The following INSR variants were observed in gnomAD, a reference collection of about 807,000 sequenced individuals.
The protein encoded by INSR is insulin receptor.
Under a neutral mutation model 142.6 loss-of-function variants are expected in INSR, and 67 were observed. The ratio of observed to expected loss-of-function variants is 0.47; its 90% CI spans 0.39 to 0.58. The LOEUF is 0.58. INSR is among the 20% of genes least tolerant of loss of function. The pLI is 0.00. For synonymous variants in INSR, 756 were observed against 743.1 expected (o/e 1.02, Z -0.28); for missense variants, 1,248 against 1,833.2 (o/e 0.68, Z 5.83).
At chr19:7,196,345 T>C (rs1027352714) in intron 2 of INSR, among the ~76,000 whole-genome samples, 1 of 152,198 alleles carries the variant, frequency 6.6e-6, no homozygotes, top group African/African-American at 2.4e-5. Flanking sequence ...ATAATGTGTG[T>C]GCATAAATAT....
chr19:7,180,328 A>G (rs941248984), intron 3 of INSR, among the ~76,000 whole-genome samples: 1 of 152,036 alleles, frequency 6.6e-6, no homozygotes, highest in African/African-American at 2.4e-5. Context: ...CCAGGAGTTC[A>G]AGACGAGCCT....
Position 7,168,074 on chromosome 19 carries a change from A to AT in INSR, c.1503dup (p.Phe502IlefsTer9). 6.2e-7 allele frequency: 1 copy of AT among 1,614,102 alleles called. No homozygotes were observed. The highest frequency in any genetic ancestry group is 8.5e-7 in the Non-Finnish European group (1 of 1,179,968). On this transcript the variant is annotated frameshift_variant, in exon 7 of 22. Coordinates refer to ENST00000302850, the MANE Select transcript of INSR (RefSeq NM_000208.4). LOFTEE classifies it high-confidence loss of function. The surrounding 1 kb of genome is among the most constrained non-coding windows in gnomAD (Gnocchi z 4.3). ...TCAAAAGATGTCCGAATGTAAGAAA[A>AT]TTTAAGTAACTCATTTTCACCTGGA...
chr19:7,224,327 T>C (rs1053201340), intron 2 of INSR, among the ~76,000 whole-genome samples: 2 of 149,752 alleles, frequency 1.3e-5, no homozygotes, highest in African/African-American at 4.9e-5. Context: ...TCTTTCTCCC[T>C]CAACCTCAAG....
intron 2 of INSR, among the ~76,000 whole-genome samples, chr19:7,229,095 TTGGA>T (rs1295129440): frequency 7.0e-6 from 1 of 143,290 alleles, no homozygotes; most frequent in Non-Finnish European, 1.5e-5. Context: ...GGATGGGTGA[TTGGA>T]TGAGTGGATG....
rs1972392780 is a variant in INSR at position 7,118,445 on chromosome 19, G to C, written c.3794+1004C>G. Among the ~76,000 whole-genome samples, 4 of 151,934 alleles carry C rather than the reference G, an allele frequency of 2.6e-5. No homozygotes were observed. In the South Asian group the frequency reaches 8.3e-4, roughly 32 times the overall value. On this transcript the variant is annotated intron_variant, in intron 21 of 21. Transcript: ENST00000302850. Reference sequence around the variant, plus strand: ...CAATTCTCCTGCCTCAGCCTCCTGAGTAGCTGGGATTACAGGCGCCCACGA... The same window carrying C: ...CAATTCTCCTGCCTCAGCCTCCTGACTAGCTGGGATTACAGGCGCCCACGA...
intron 1 of INSR, among the ~76,000 whole-genome samples, chr19:7,290,915 C>G (rs1968475259): frequency 6.6e-6 from 1 of 151,792 alleles, no homozygotes; most frequent in Non-Finnish European, 1.5e-5. Context: ...ACTAAAAATA[C>G]AAAAAATAAG....
chr19:7,273,451 T>C (rs1198902015), intron 1 of INSR, among the ~76,000 whole-genome samples: 1 of 152,082 alleles, frequency 6.6e-6, no homozygotes, highest in African/African-American at 2.4e-5. Context: ...GGCCACTCTT[T>C]GTACAGGTAG....
rs372761756 is a variant in INSR at position 7,125,267 on chromosome 19, C to T, written c.3258+16G>A. The T allele has an allele frequency of 2.2e-4, 353 of 1,613,800 alleles. No homozygotes were observed. Among genetic ancestry groups the T allele is most frequent in the Admixed American group, 1.1e-3 (67 of 60,002 alleles). On this transcript the variant is annotated intron_variant, in intron 17 of 21. Coordinates refer to ENST00000302850, the MANE Select transcript of INSR (RefSeq NM_000208.4). This position sits in a 1 kb window ranked among gnomAD's most constrained non-coding sequence, Gnocchi z 4.9. ...GTCAGGAAAGCCAGCCCATGTCCCA[C>T]CCCCACTGGACTCACCACGTGATGG...
At chr19:7,234,164 C>T (rs1319867278) in intron 2 of INSR, among the ~76,000 whole-genome samples, 3 of 152,050 alleles carry the variant, frequency 2.0e-5, no homozygotes, top group Non-Finnish European at 4.4e-5. Context: ...CCACCTCAGG[C>T]TCCCAAAGGG....
At chr19:7,153,536 GAC>G (rs1568450386) in intron 9 of INSR, among the ~76,000 whole-genome samples, 1 of 118,784 alleles carries the variant, frequency 8.4e-6, no homozygotes, top group African/African-American at 2.9e-5. Flanking sequence ...GCTGAGCTGA[GAC>G]AGAGCCTAGA....
Position 7,159,511 on chromosome 19 carries a change from G to T in INSR, c.2029+3521C>A, listed in dbSNP as rs992978487. ...TTTAAATGGTCCCTTGGTAATTACA[G>T]ATTTAGACTTTCGGAATTAAAAAAA... On this transcript the variant is annotated intron_variant, in intron 9 of 21. Transcript: ENST00000302850. The surrounding 1 kb of genome is among the most constrained non-coding windows in gnomAD (Gnocchi z 4.3). The T allele has an allele frequency of 6.7e-6, 1 of 149,404 alleles. No homozygotes were observed. Among genetic ancestry groups the T allele is most frequent in the African/African-American group, 2.5e-5 (1 of 40,088 alleles). The allele number at this position is 149,404 out of a possible 1,614,324, so 9.3% of individuals were successfully genotyped here.
intron 1 of INSR, among the ~76,000 whole-genome samples, chr19:7,273,826 G>A (rs1288891307): frequency 4.7e-5 from 7 of 149,584 alleles, no homozygotes; most frequent in East Asian, 2.1e-4. Context: ...CACCATCTCC[G>A]TACTAAAATA....
intron 12 of INSR, 37 bp downstream of exon 12, chr19:7,142,779 C>T (rs760064859): frequency 3.7e-6 from 6 of 1,612,020 alleles, no homozygotes; most frequent in Non-Finnish European, 5.1e-6. Context: ...CTTGATGTCC[C>T]ACCCATGACA....
chr19:7,265,252 G>A (rs73492838), intron 2 of INSR, among the ~76,000 whole-genome samples: 5,383 of 152,206 alleles, frequency 0.035, 254 homozygotes, highest in African/African-American at 0.11. Context: ...AACAGTCACC[G>A]CTCTGTGGCA....
At chr19:7,203,823 C>CT (rs5826964) in intron 2 of INSR, among the ~76,000 whole-genome samples, 79,860 of 151,606 alleles carry the variant, frequency 0.53, 20,894 homozygotes, top group African/African-American at 0.54. Flanking sequence ...AGGGAGACGA[C>CT]TTTTAGCTTA....
chr19:7,122,814 G>C (rs773212856), intron 18 of INSR, 41 bp from the exon 19 acceptor site: 3 of 1,613,396 alleles, frequency 1.9e-6, no homozygotes, highest in South Asian at 2.2e-5. Context: ...GCAGCACTGG[G>C]ATCCGAGGAG....
At chr19:7,293,677 G>C in intron 1 of INSR, 115 bp downstream of exon 1, 1 of 878,020 alleles carries the variant, frequency 1.1e-6, no homozygotes, top group East Asian at 4.2e-5. Flanking sequence ...CCTGGCCACC[G>C]CCCCCCGCCC....
intron 11 of INSR, among the ~76,000 whole-genome samples, chr19:7,149,848 A>AAGGGAGGGAGGGACGGACGG: frequency 6.6e-6 from 1 of 150,710 alleles, no homozygotes; most frequent in East Asian, 2.0e-4. Context: ...GGAAAGAAGG[A>AAGGGAGGGAGGGACGGACGG]AGGGAGGGAG....
intron 1 of INSR, among the ~76,000 whole-genome samples, chr19:7,288,972 T>C (rs964973860): frequency 8.2e-6 from 1 of 122,132 alleles, no homozygotes; most frequent in Non-Finnish European, 1.7e-5. Flanking sequence ...AAAAAAAAAG[T>C]GAGCTGAGAG....
Sources: allele counts gnomAD v4.1 joint callset (sites outside exome capture counted in the v4.1 genomes callset), GRCh38; gene constraint gnomAD v4.1.1; non-coding constraint Gnocchi (gnomAD v3.1); transcripts MANE v1.5; gene names NCBI Gene and HGNC (gene_info 2026-07-23, HGNC 2026-07-21).